The following USP46 variants were observed in gnomAD, a reference collection of about 807,000 sequenced individuals.
USP46 encodes the protein ubiquitin specific peptidase 46.
Under a neutral mutation model 44.4 loss-of-function variants are expected in USP46, and 12 were observed. That is an observed-to-expected ratio of 0.27 (90% CI 0.17 to 0.44). The LOEUF is 0.44. Ranked by LOEUF, USP46 falls within the 20% of genes least tolerant of loss-of-function variation. The pLI, the probability that USP46 is intolerant of heterozygous loss-of-function variation, is 1.00. For missense variants in USP46, 248 were observed against 444.8 expected (o/e 0.56, Z 3.98); for synonymous variants, 155 against 161.5 (o/e 0.96, Z 0.31).
intron 1 of USP46, among the ~76,000 whole-genome samples, chr4:52,632,837 GA>G (rs943052680): frequency 3.3e-5 from 4 of 120,246 alleles, no homozygotes; most frequent in Non-Finnish European, 5.4e-5. Flanking sequence ...GAACAGAACA[GA>G]AAAAAAAAGA....
At chr4:52,624,967 A>C (rs530119505) in intron 4 of USP46, among the ~76,000 whole-genome samples, 1 of 152,316 alleles carries the variant, frequency 6.6e-6, no homozygotes, top group African/African-American at 2.4e-5. Flanking sequence ...TAAGCAACTC[A>C]TGAGGGATTG....
At chr4:52,642,697 AAGAGGAAAGC>A (rs1361898984) in intron 1 of USP46, among the ~76,000 whole-genome samples, 1 of 152,250 alleles carries the variant, frequency 6.6e-6, no homozygotes, top group Non-Finnish European at 1.5e-5. Flanking sequence ...AGATGTAGTT[AAGAGGAAAGC>A]AGATTTTTTT....
intron 5 of USP46, among the ~76,000 whole-genome samples, chr4:52,607,289 G>A (rs1282652332): frequency 1.3e-5 from 2 of 152,206 alleles, no homozygotes; most frequent in African/African-American, 4.8e-5. Context: ...GGTAAGTTAG[G>A]AGAAGGCGAG....
rs1716143154 is a variant in USP46, at chr4:52,594,331, A to C, written c.*3309T>G. On this transcript the variant is annotated 3_prime_UTR_variant, in exon 9 of 9. Transcript: ENST00000441222. ...CAGATTATTTTAAATAAAAACTACA[A>C]TATTTTTAGCAACAAAATAATAGGA... is the stretch of plus-strand genomic sequence containing the variant. The C allele has an allele frequency of 6.6e-6, 1 of 152,234 alleles. No individual in the cohort carries two copies. 9.4% of individuals were successfully genotyped at this position (152,234 alleles called of 1,614,324 possible).
chr4:52,639,399 G>A (rs1718243554), intron 1 of USP46, among the ~76,000 whole-genome samples: 1 of 152,154 alleles, frequency 6.6e-6, no homozygotes, highest in African/African-American at 2.4e-5. Flanking sequence ...TGAGGACTCG[G>A]GGTCCTTTTA....
rs147064689 is a variant in USP46 at position 52,593,927 on chromosome 4, A to T, written c.*3713T>A. On this transcript the variant is annotated 3_prime_UTR_variant, in exon 9 of 9. Transcript: ENST00000441222. ...CTCCAGATACCATTTCCTGAATTAA[A>T]TTCTGTTGATCTTTTTCACTCAAAA... 126 of 152,372 alleles carry T rather than the reference A, an allele frequency of 8.3e-4. No homozygotes were observed. The highest frequency in any genetic ancestry group is 2.8e-3 in the African/African-American group (117 of 41,592). 9.4% of individuals were successfully genotyped at this position (152,372 alleles called of 1,614,324 possible).
chr4:52,625,585 C>T (rs982237798), intron 4 of USP46, among the ~76,000 whole-genome samples: 4 of 152,198 alleles, frequency 2.6e-5, no homozygotes, highest in Admixed American at 6.5e-5. Context: ...ACCCAGTTAA[C>T]TGCTGTAAAA....
chr4:52,650,107 C>T (rs577192354), intron 1 of USP46, among the ~76,000 whole-genome samples: 1 of 152,314 alleles, frequency 6.6e-6, no homozygotes, highest in Non-Finnish European at 1.5e-5. Context: ...CAGGATTATA[C>T]CCTAAAGAAA....
intron 1 of USP46, among the ~76,000 whole-genome samples, chr4:52,649,669 T>C (rs535239494): frequency 6.8e-4 from 104 of 152,246 alleles, no homozygotes; most frequent in Non-Finnish European, 1.3e-3. Flanking sequence ...ACTGCTTTAC[T>C]CCAAGGCAAT....
At chr4:52,611,359 G>C (rs775701568) in intron 4 of USP46, among the ~76,000 whole-genome samples, 1 of 152,160 alleles carries the variant, frequency 6.6e-6, no homozygotes, top group Non-Finnish European at 1.5e-5. Context: ...ATATCTCAAG[G>C]CTCACTGAAT....
intron 1 of USP46, among the ~76,000 whole-genome samples, chr4:52,637,426 A>T: frequency 6.6e-6 from 1 of 152,176 alleles, no homozygotes; most frequent in Admixed American, 6.5e-5. Context: ...TACTTGTCTT[A>T]CAGGATCTCA....
chr4:52,611,062 T>C (rs1716916552), intron 4 of USP46, among the ~76,000 whole-genome samples: 1 of 152,010 alleles, frequency 6.6e-6, no homozygotes, highest in Admixed American at 6.5e-5. Context: ...AATCACTCCC[T>C]TTCTCCCTTG....
chr4:52,656,283 G>A, intron 1 of USP46: 52 of 1,551,294 alleles, frequency 3.4e-5, no homozygotes, highest in Non-Finnish European at 4.2e-5. Flanking sequence ...GAAGGGACCT[G>A]TAAGACACCT....
intron 7 of USP46, among the ~76,000 whole-genome samples, chr4:52,598,929 G>A (rs1268324207): frequency 6.6e-6 from 1 of 152,086 alleles, no homozygotes; most frequent in Non-Finnish European, 1.5e-5. Flanking sequence ...TAATCCAGCA[G>A]CAAAAACAGA....
chr4:52,609,254 G>A (rs1432091032), intron 5 of USP46, among the ~76,000 whole-genome samples: 5 of 152,174 alleles, frequency 3.3e-5, no homozygotes, highest in African/African-American at 1.2e-4. Context: ...CTGGAAGAAG[G>A]TGGCAGAGAT....
intron 4 of USP46, among the ~76,000 whole-genome samples, chr4:52,616,243 T>C (rs781002968): frequency 5.3e-5 from 8 of 152,204 alleles, no homozygotes; most frequent in Non-Finnish European, 8.8e-5. Context: ...CTGCTTAACA[T>C]CCTATAATGC....
At position 52,651,304 on chromosome 4, in the gene USP46, T is replaced by C. The variant is rs531528976; in HGVS notation, c.36+7811A>G. Among the ~76,000 whole-genome samples, 4 of 151,198 alleles carry C rather than the reference T, an allele frequency of 2.6e-5. No homozygotes were observed. In the East Asian group the frequency reaches 5.9e-4, roughly 22 times the overall value. ...CACCTATAACAGAATGTGGAGGGAG[T>C]AGAAGGAGGAGGGAACACTAATTTA... On this transcript the variant is annotated intron_variant, in intron 1 of 8. Transcript: ENST00000441222.
chr4:52,617,623 C>T (rs981091628), intron 4 of USP46, among the ~76,000 whole-genome samples: 1 of 152,272 alleles, frequency 6.6e-6, no homozygotes, highest in South Asian at 2.1e-4. Flanking sequence ...TCTCCTTGCC[C>T]TAGAATGACA....
At chr4:52,653,702 AGTT>A (rs1718852284) in intron 1 of USP46, among the ~76,000 whole-genome samples, 1 of 152,120 alleles carries the variant, frequency 6.6e-6, no homozygotes, top group Non-Finnish European at 1.5e-5. Flanking sequence ...TCTTCCAGTT[AGTT>A]AGCTTTGGGT....
Sources: allele counts gnomAD v4.1 joint callset (sites outside exome capture counted in the v4.1 genomes callset), GRCh38; gene constraint gnomAD v4.1.1; transcripts MANE v1.5; gene names NCBI Gene and HGNC (gene_info 2026-07-23, HGNC 2026-07-21).